Variants in STK4 observed in about 807,000 individuals in gnomAD.
The protein encoded by STK4 is serine/threonine kinase 4.
A neutral mutation model predicts 64.9 loss-of-function variants in STK4; 30 were observed. That is an observed-to-expected ratio of 0.46 (90% CI 0.35 to 0.63). The LOEUF (loss-of-function observed/expected upper bound fraction) is 0.63. STK4 is among the 20% of genes least tolerant of loss of function. The pLI, the probability that STK4 is intolerant of heterozygous loss-of-function variation, is 0.01. For synonymous variants in STK4, 177 were observed against 199.0 expected (o/e 0.89, Z 0.93); for missense variants, 466 against 598.5 (o/e 0.78, Z 2.31).
At chr20:45,036,466 G>A (rs2068528870) in intron 10 of STK4, among the ~76,000 whole-genome samples, 1 of 152,118 alleles carries the variant, frequency 6.6e-6, no homozygotes, top group Non-Finnish European at 1.5e-5. Flanking sequence ...AACAGTGCTT[G>A]TGTTCAGGGA....
At chr20:45,068,286 G>A (rs951113590) in intron 10 of STK4, among the ~76,000 whole-genome samples, 1 of 152,042 alleles carries the variant, frequency 6.6e-6, no homozygotes, top group Non-Finnish European at 1.5e-5. Flanking sequence ...CAGGTGTATT[G>A]CCCTTTATAT....
chr20:45,015,618 C>G (rs2068127375), intron 9 of STK4, among the ~76,000 whole-genome samples: 1 of 152,176 alleles, frequency 6.6e-6, no homozygotes, highest in Non-Finnish European at 1.5e-5. Context: ...AACCCTATCT[C>G]TGAGTAAGGG....
intron 9 of STK4, among the ~76,000 whole-genome samples, chr20:45,014,366 C>T (rs1206772701): frequency 6.6e-6 from 1 of 151,998 alleles, no homozygotes; most frequent in Non-Finnish European, 1.5e-5. Flanking sequence ...GCGGAGATTG[C>T]AGTGGGCCAA....
chr20:45,062,382 G>A (rs1368836438), intron 10 of STK4, among the ~76,000 whole-genome samples: 1 of 152,134 alleles, frequency 6.6e-6, no homozygotes, highest in Non-Finnish European at 1.5e-5. Flanking sequence ...TGTGAATAGT[G>A]CTGTGATGAA....
intron 10 of STK4, among the ~76,000 whole-genome samples, chr20:45,042,361 A>G (rs1328174014): frequency 6.6e-6 from 1 of 152,144 alleles, no homozygotes; most frequent in African/African-American, 2.4e-5. Context: ...AGATTTATGC[A>G]AGTTTTCCCA....
rs928428485 is a variant in STK4, at chr20:44,966,563, A to G, written c.-6A>G. The G allele has an allele frequency of 1.3e-5, 16 of 1,265,322 alleles. No homozygotes were observed. Among genetic ancestry groups the G allele is most frequent in the East Asian group, 6.3e-5 (2 of 31,884 alleles). 78.4% of individuals were successfully genotyped at this position (1,265,322 alleles called of 1,614,324 possible). Reference sequence around the variant, plus strand: ...TGAGCGGGTCTGGGCGGCTGCTGGCAGCGCCATGGAGACGGTACAGCTGAG... The same window carrying G: ...TGAGCGGGTCTGGGCGGCTGCTGGCGGCGCCATGGAGACGGTACAGCTGAG... On this transcript the variant is annotated 5_prime_UTR_variant, in exon 1 of 11. Coordinates refer to ENST00000372806, the MANE Select transcript of STK4 (RefSeq NM_006282.5).
intron 3 of STK4, among the ~76,000 whole-genome samples, 162 bp from the exon 4 acceptor site, chr20:44,981,667 G>C (rs1011570539): frequency 2.0e-5 from 3 of 152,124 alleles, no homozygotes; most frequent in Non-Finnish European, 4.4e-5. Context: ...CTCCAGAAAA[G>C]CTATACCATT....
intron 9 of STK4, among the ~76,000 whole-genome samples, chr20:45,008,904 G>A (rs532036651): frequency 1.2e-4 from 18 of 151,868 alleles, no homozygotes; most frequent in Non-Finnish European, 2.7e-4. Flanking sequence ...GTTGATTTGT[G>A]TAAATTTTTT....
chr20:45,046,160 T>G (rs2068691513), intron 10 of STK4, among the ~76,000 whole-genome samples: 1 of 151,892 alleles, frequency 6.6e-6, no homozygotes, highest in South Asian at 2.1e-4. Flanking sequence ...CATTTTTGGT[T>G]TTCGCCAGGT....
intron 10 of STK4, among the ~76,000 whole-genome samples, chr20:45,063,026 AG>A (rs1426046182): frequency 1.1e-4 from 4 of 36,512 alleles, no homozygotes; most frequent in Non-Finnish European, 2.2e-4. Context: ...TTTTGGACAC[AG>A]GGTCTTGCCT....
At chr20:45,010,564 A>G (rs993022549) in intron 9 of STK4, among the ~76,000 whole-genome samples, 1 of 152,182 alleles carries the variant, frequency 6.6e-6, no homozygotes, top group African/African-American at 2.4e-5. Flanking sequence ...AGCAGTTGAA[A>G]CCCAGTTGCA....
At chr20:45,074,350 A>G (rs1217274439) in intron 10 of STK4, among the ~76,000 whole-genome samples, 1 of 152,222 alleles carries the variant, frequency 6.6e-6, no homozygotes, top group African/African-American at 2.4e-5. Flanking sequence ...TTTGGATGAT[A>G]GAAACTTAAT....
intron 2 of STK4, among the ~76,000 whole-genome samples, chr20:44,977,326 A>G (rs1167925284): frequency 6.6e-6 from 1 of 152,232 alleles, no homozygotes; most frequent in East Asian, 1.9e-4. Flanking sequence ...GTTCATGAGC[A>G]TCTATTTGGC....
At chr20:45,060,548 TAC>T (rs1308083209) in intron 10 of STK4, among the ~76,000 whole-genome samples, 1 of 152,192 alleles carries the variant, frequency 6.6e-6, no homozygotes, top group African/African-American at 2.4e-5. Context: ...GGCCAGGCTT[TAC>T]AGTCAGACAC....
intron 10 of STK4, among the ~76,000 whole-genome samples, chr20:45,068,315 T>C (rs1395696106): frequency 2.6e-5 from 4 of 152,204 alleles, no homozygotes; most frequent in African/African-American, 9.6e-5. Flanking sequence ...CCCAGCAGTG[T>C]TCCTGGCCTA....
intron 10 of STK4, among the ~76,000 whole-genome samples, chr20:45,058,086 CA>C (rs1978655549): frequency 2.0e-5 from 3 of 147,012 alleles, no homozygotes; most frequent in Admixed American, 6.8e-5. Context: ...CACACACACA[CA>C]CCCCTACCCC....
At chr20:44,974,667 CACCATA>C (rs2067308036) in intron 2 of STK4, 1 of 152,090 alleles carries the variant, frequency 6.6e-6, no homozygotes, top group Non-Finnish European at 1.5e-5. Flanking sequence ...GATGGGGTTT[CACCATA>C]TTGGCCAGGA....
At chr20:45,063,761 A>G (rs1327462466) in intron 10 of STK4, among the ~76,000 whole-genome samples, 1 of 151,784 alleles carries the variant, frequency 6.6e-6, no homozygotes, top group Non-Finnish European at 1.5e-5. Flanking sequence ...TCTCAACTTG[A>G]TTTTTGTGTA....
intron 5 of STK4, among the ~76,000 whole-genome samples, chr20:44,993,963 A>G (rs1280792282): frequency 1.3e-5 from 2 of 150,918 alleles, no homozygotes; most frequent in Middle Eastern, 3.4e-3. Flanking sequence ...TGGGCAGAAG[A>G]TCAAAACTCT....
Sources: allele counts gnomAD v4.1 joint callset (sites outside exome capture counted in the v4.1 genomes callset), GRCh38; gene constraint gnomAD v4.1.1; transcripts MANE v1.5; gene names NCBI Gene and HGNC (gene_info 2026-07-23, HGNC 2026-07-21).